Variants in ABCD4 observed in about 807,000 individuals in gnomAD.
ABCD4 encodes the protein ATP binding cassette subfamily D member 4, also known as lysosomal cobalamin transporter ABCD4.
A neutral mutation model predicts 86.3 loss-of-function variants in ABCD4; 53 were observed. That is an observed-to-expected ratio of 0.61 (90% CI 0.49 to 0.77). The LOEUF is 0.77. Among genes scored for constraint, ABCD4 ranks in the 30% least tolerant of loss-of-function variants. ABCD4 has a pLI of 0.00. For missense variants in ABCD4, 757 were observed against 764.5 expected, an observed-to-expected ratio of 0.99 and a Z score of 0.12; for synonymous variants, 328 against 313.6, an observed-to-expected ratio of 1.05 and a Z score of -0.49.
intron 1 of ABCD4, 127 bp from the exon 2 acceptor site, chr14:74,300,395 G>T: frequency 1.5e-6 from 1 of 655,634 alleles, no homozygotes; most frequent in Non-Finnish European, 2.7e-6. Context: ...GTTTTCAAAT[G>T]CTGAAGATGG....
chr14:74,290,191 T>C (rs1472484501), intron 12 of ABCD4, 73 bp from the exon 13 acceptor site: 1 of 1,609,974 alleles, frequency 6.2e-7, no homozygotes, highest in African/African-American at 1.3e-5. Context: ...CTCTTCCTTG[T>C]TCCCCAACAG....
intron 1 of ABCD4, among the ~76,000 whole-genome samples, chr14:74,301,601 G>C (rs2140139496): frequency 6.6e-6 from 1 of 152,362 alleles, no homozygotes; most frequent in South Asian, 2.1e-4. Flanking sequence ...TAGGCCGGGA[G>C]CAGTGGCTCA....
Position 74,289,489 on chromosome 14 carries a change from C to G in ABCD4, c.1450G>C (p.Asp484His), listed in dbSNP as rs374372200. The G allele has an allele frequency of 1.2e-6, 2 of 1,612,496 alleles. No homozygotes were observed. The highest frequency in any genetic ancestry group is 2.2e-5 in the East Asian group (1 of 44,722). Residue 484 changes from aspartate to histidine, a missense_variant, in exon 14 of 19, where the codon GAC becomes CAC. Transcript: ENST00000356924. ...CTAAGGAGGACCAGCTCACCTGAGT[C>G]GGGGTAGACCTCCTTCAGGGGATAT... is the stretch of plus-strand genomic sequence containing the variant. ...VIYPLKEVYP[D>H]SGSADDERIL...
Position 74,297,951 on chromosome 14 carries a change from A to G in ABCD4, c.404T>C (p.Leu135Pro), listed in dbSNP as rs750891071. ...CTACGGGTTATCGATGTCATCCCGC[A>G]GCACGTTGAGGGTGTAGTACGCACG... ...RGRAYYTLNV[L>P]RDDIDNPDQR... is the part of the protein sequence containing the mutation. The change falls in exon 4 of 19, where the codon CTG (leucine) becomes CCG (proline). Residue 135 changes from leucine (L) to proline (P), a missense_variant. Transcript: ENST00000356924. The G allele has an allele frequency of 4.3e-6, 7 of 1,613,622 alleles. No individual in the cohort carries two copies. Among genetic ancestry groups the G allele is most frequent in the Non-Finnish European group, 5.9e-6 (7 of 1,179,878 alleles).
chr14:74,291,907 A>G (rs1488662778), intron 11 of ABCD4, among the ~76,000 whole-genome samples: 1 of 152,212 alleles, frequency 6.6e-6, no homozygotes. Context: ...TTACAGATCC[A>G]CGCAGACACA....
chr14:74,287,637 ACT>A (rs976870985), intron 17 of ABCD4, among the ~76,000 whole-genome samples, 171 bp downstream of exon 17: 1 of 134,588 alleles, frequency 7.4e-6, no homozygotes, highest in South Asian at 2.1e-4. Context: ...TTCAGTGTTA[ACT>A]CTGACGATGC....
chr14:74,292,986 A>T, intron 8 of ABCD4, 117 bp from the exon 9 acceptor site: 1 of 1,531,174 alleles, frequency 6.5e-7, no homozygotes. Flanking sequence ...CTGGATCCTC[A>T]TTCTCCTGAG....
rs757014631 is a variant in ABCD4 at position 74,298,026 on chromosome 14, C to T, written c.329G>A (p.Ser110Asn). ...GTGCTCAGTGAGGTCCTTCCTCCAG[C>T]TCACATACAGCAGGTTGCAGGTGAA... ...DQFTCNLLYVSWRKDLTEHLH... is the reference protein window; with the variant it reads ...DQFTCNLLYVNWRKDLTEHLH... The change falls in exon 4 of 19, where the codon AGC (serine) becomes AAC (asparagine). Residue 110 changes from serine (S) to asparagine (N), a missense_variant. Transcript: ENST00000356924. 1 of 1,613,978 alleles carries T rather than the reference C, an allele frequency of 6.2e-7. No individual in the cohort carries two copies. Among genetic ancestry groups the T allele is most frequent in the Non-Finnish European group, 8.5e-7 (1 of 1,179,998 alleles).
In ABCD4 at chr14:74,286,835, G is replaced by T. The variant is rs1335903084; in HGVS notation, c.1637-19C>A. ...TCAAGCACTGAGGGGGCAGAGCACA[G>T]AGGAAGAGATCAAAGCCCTGCCCTC... On this transcript the variant is annotated intron_variant, in intron 17 of 18. Coordinates refer to ENST00000356924, the MANE Select transcript of ABCD4 (RefSeq NM_005050.4). 1 of 1,610,544 alleles carries T rather than the reference G, an allele frequency of 6.2e-7. No homozygotes were observed. Among genetic ancestry groups the T allele is most frequent in the Admixed American group, 1.7e-5 (1 of 59,958 alleles).
intron 17 of ABCD4, 137 bp from the exon 18 acceptor site, chr14:74,286,953 A>C (rs2079940022): frequency 1.4e-6 from 1 of 729,206 alleles, no homozygotes. Context: ...GCCCTGCCTC[A>C]GGGAGAAGGA....
At position 74,302,899 on chromosome 14, in the gene ABCD4, C is replaced by T; in HGVS notation, c.14G>A (p.Gly5Glu). 4 of 1,607,622 alleles carry T rather than the reference C, an allele frequency of 2.5e-6. No homozygotes were observed. Among genetic ancestry groups the T allele is most frequent in the Non-Finnish European group, 3.4e-6 (4 of 1,177,370 alleles). The change falls in exon 1 of 19, where the codon GGG (glycine) becomes GAG (glutamate). Residue 5 changes from glycine to glutamate, a missense_variant. Physicochemically the swap from Gly to Glu is moderately conservative, Grantham distance 98. Transcript: ENST00000356924. MAVA[G>E]PAPGAGARPR... ...CCTGGCGCCAGCTCCGGGCGCGGGC[C>T]CCGCGACCGCCATGACCTGAGACCC...
At position 74,285,478 on chromosome 14, in the gene ABCD4, T is replaced by G. The variant is rs1379059157; in HGVS notation, c.*983A>C. On this transcript the variant is annotated 3_prime_UTR_variant, in exon 19 of 19. Coordinates refer to ENST00000356924, the MANE Select transcript of ABCD4 (RefSeq NM_005050.4). ...TTCCATCTATGTTAAGTGTAAAATT[T>G]CACTTAAAAATCCATTTAAACTTAA... The G allele has an allele frequency of 6.6e-6, 1 of 152,166 alleles. No individual in the cohort carries two copies. Among genetic ancestry groups the G allele is most frequent in the Admixed American group, 6.5e-5 (1 of 15,276 alleles). The allele number at this position is 152,166 out of a possible 1,614,324, so 9.4% of individuals were successfully genotyped here. A position where few individuals can be genotyped will look rare whatever the true frequency, so the allele number is the denominator to read the frequency against.
chr14:74,297,718 C>T, intron 4 of ABCD4: 2 of 1,286,950 alleles, frequency 1.6e-6, no homozygotes, highest in Non-Finnish European at 2.0e-6. Context: ...TGCCACTGCA[C>T]CTGGCAGGCT....
chr14:74,297,698 T>G, intron 4 of ABCD4: 1 of 1,227,458 alleles, frequency 8.1e-7, no homozygotes, highest in Non-Finnish European at 1.0e-6. Flanking sequence ...TTGTTGGGAC[T>G]ACAGGTGCAT....
At chr14:74,298,375 G>A (rs550026003) in intron 3 of ABCD4, among the ~76,000 whole-genome samples, 1 of 152,144 alleles carries the variant, frequency 6.6e-6, no homozygotes, top group African/African-American at 2.4e-5. Context: ...AGTTTCAAGC[G>A]ATTCTCCTGC....
chr14:74,293,740 C>T (rs1273162415), intron 7 of ABCD4: 1 of 152,582 alleles, frequency 6.6e-6, no homozygotes, highest in African/African-American at 2.4e-5. Context: ...AGAAAATTAT[C>T]TCTGTCTTTG....
At position 74,300,315 on chromosome 14, in the gene ABCD4, A is replaced by C. The variant is rs1449305451; in HGVS notation, c.39-47T>G. On this transcript the variant is annotated intron_variant, in intron 1 of 18. Coordinates refer to ENST00000356924, the MANE Select transcript of ABCD4 (RefSeq NM_005050.4). ...AGAGAAAAGCCCAAGACAATAATTA[A>C]GCCTTAGGGAGTAGTTATTAAGCTC... 4 of 1,220,246 alleles carry C rather than the reference A, an allele frequency of 3.3e-6. No homozygotes were observed. The South Asian group carries it at 3.7e-5, about 11-fold the overall frequency. The allele number at this position is 1,220,246 out of a possible 1,614,324, so 75.6% of individuals were successfully genotyped here.
chr14:74,301,009 C>T (rs1462746583), intron 1 of ABCD4, among the ~76,000 whole-genome samples: 6 of 152,138 alleles, frequency 3.9e-5, no homozygotes, highest in East Asian at 3.9e-4. Flanking sequence ...CATGCCACCA[C>T]GCCCGGCTAA....
At chr14:74,300,092 G>GA in intron 2 of ABCD4, 58 bp downstream of exon 2, 1 of 762,730 alleles carries the variant, frequency 1.3e-6, no homozygotes, top group South Asian at 1.7e-5. Context: ...AAAAAAGATG[G>GA]AAAGGGACCC....
Sources: allele counts gnomAD v4.1 joint callset (sites outside exome capture counted in the v4.1 genomes callset), GRCh38; gene constraint gnomAD v4.1.1; transcripts MANE v1.5; gene names NCBI Gene and HGNC (gene_info 2026-07-23, HGNC 2026-07-21).